The following ZC3H12B variants were observed in gnomAD, a reference collection of about 807,000 sequenced individuals.
ZC3H12B encodes the protein probable ribonuclease ZC3H12B.
Under a neutral mutation model 43.9 loss-of-function variants are expected in ZC3H12B, and 7 were observed. The ratio of observed to expected loss-of-function variants is 0.16; its 90% CI spans 0.09 to 0.30. The LOEUF (loss-of-function observed/expected upper bound fraction) is 0.30, where lower values mean the gene tolerates loss of function less well. Among genes scored for constraint, ZC3H12B ranks in the 10% least tolerant of loss-of-function variants. The pLI, the probability that ZC3H12B is intolerant of heterozygous loss-of-function variation, is 1.00. For missense variants in ZC3H12B, 475 were observed against 670.2 expected (o/e 0.71, Z 3.22); for synonymous variants, 222 against 241.7 (o/e 0.92, Z 0.76).
intron 3 of ZC3H12B, among the ~76,000 whole-genome samples, chrX:65,405,153 G>A (rs2066807504): frequency 8.9e-6 from 1 of 112,123 alleles, no homozygotes; most frequent in African/African-American, 3.2e-5. Context: ...AAAGACAATG[G>A]AAACACAACA....
chrX:65,279,340 G>A, the ZC3H12B span, among the ~76,000 whole-genome samples: 1 of 103,935 alleles, frequency 9.6e-6, no homozygotes, highest in South Asian at 4.4e-4. Context: ...GCCATTCTGA[G>A]TGTTGTGAGA....
chrX:65,206,151 G>A, the ZC3H12B span, among the ~76,000 whole-genome samples: 1 of 111,626 alleles, frequency 9.0e-6, no homozygotes, highest in African/African-American at 3.2e-5. Flanking sequence ...CACACAGCTA[G>A]AAAATAATCA....
intron 3 of ZC3H12B, among the ~76,000 whole-genome samples, chrX:65,435,067 T>C (rs2067204320): frequency 8.9e-6 from 1 of 111,968 alleles, no homozygotes; most frequent in African/African-American, 3.2e-5. Context: ...GCCTACAAGG[T>C]TGGGGGTTCA....
intron 2 of ZC3H12B, among the ~76,000 whole-genome samples, chrX:65,387,645 TGG>T (rs2066547822): frequency 9.0e-6 from 1 of 111,185 alleles, no homozygotes; most frequent in Non-Finnish European, 1.9e-5. Flanking sequence ...TTTACATTTA[TGG>T]TTAATATTGT....
the ZC3H12B span, among the ~76,000 whole-genome samples, chrX:65,071,473 T>C: frequency 9.0e-6 from 1 of 110,755 alleles, no homozygotes; most frequent in African/African-American, 3.3e-5. Context: ...GATATTGGTA[T>C]GTGTGGATTT....
At chrX:65,091,476 C>T in the ZC3H12B span, among the ~76,000 whole-genome samples, 1 of 112,140 alleles carries the variant, frequency 8.9e-6, no homozygotes, top group African/African-American at 3.2e-5. Context: ...TAATACATAC[C>T]TATTATGCTT....
chrX:65,048,718 T>C, the ZC3H12B span, among the ~76,000 whole-genome samples: 158 of 111,415 alleles, frequency 1.4e-3, no homozygotes, highest in African/African-American at 4.9e-3. Flanking sequence ...TTTTCCCTCC[T>C]GTGGCATGAG....
At chrX:65,396,948 A>G (rs1020539719) in intron 2 of ZC3H12B, among the ~76,000 whole-genome samples, 1 of 111,479 alleles carries the variant, frequency 9.0e-6, no homozygotes. Flanking sequence ...TCCCTTTACC[A>G]TTATGTAATG....
At chrX:65,339,866 C>T in the ZC3H12B span, among the ~76,000 whole-genome samples, 1 of 112,111 alleles carries the variant, frequency 8.9e-6, no homozygotes, top group East Asian at 2.8e-4. Context: ...CCACGGCCAC[C>T]CCCTGCATTG....
chrX:65,320,561 T>C, the ZC3H12B span, among the ~76,000 whole-genome samples: 1 of 112,192 alleles, frequency 8.9e-6, no homozygotes, highest in African/African-American at 3.2e-5. Flanking sequence ...TCAAAATTTG[T>C]GTGGAACCAA....
At chrX:65,354,284 G>A in the ZC3H12B span, among the ~76,000 whole-genome samples, 1 of 112,161 alleles carries the variant, frequency 8.9e-6, no homozygotes, top group African/African-American at 3.2e-5. Context: ...AATCTTTGCT[G>A]TTCTGCAACA....
chrX:65,260,406 G>A, the ZC3H12B span, among the ~76,000 whole-genome samples: 1 of 110,635 alleles, frequency 9.0e-6, no homozygotes. Flanking sequence ...TAGACACTAG[G>A]GACTACTTGA....
At chrX:65,411,834 A>T (rs1365966304) in intron 3 of ZC3H12B, among the ~76,000 whole-genome samples, 1 of 109,948 alleles carries the variant, frequency 9.1e-6, no homozygotes, top group Non-Finnish European at 1.9e-5. Flanking sequence ...TTATAATGTG[A>T]TTATTTCACA....
the ZC3H12B span, among the ~76,000 whole-genome samples, chrX:65,080,770 G>C: frequency 9.0e-6 from 1 of 111,245 alleles, no homozygotes; most frequent in African/African-American, 3.3e-5. Context: ...TAATAATCAA[G>C]TAATCACCTG....
At chrX:65,429,202 G>A (rs1225327958) in intron 3 of ZC3H12B, among the ~76,000 whole-genome samples, 1 of 112,660 alleles carries the variant, frequency 8.9e-6, no homozygotes. Context: ...GAAAACCTCT[G>A]TTGAAAGATC....
chrX:65,305,439 A>G, the ZC3H12B span, among the ~76,000 whole-genome samples: 1 of 112,196 alleles, frequency 8.9e-6, no homozygotes, highest in Non-Finnish European at 1.9e-5. Context: ...AATCAGACTC[A>G]TTAAGAGATA....
At chrX:65,385,071 G>T (rs955808673) in intron 2 of ZC3H12B, among the ~76,000 whole-genome samples, 8 of 112,156 alleles carry the variant, frequency 7.1e-5, no homozygotes, top group Non-Finnish European at 1.5e-4. Flanking sequence ...ATAGTTTGAA[G>T]TCAGGTAGCA....
chrX:65,500,301 G>A (rs1463226878), intron 4 of ZC3H12B, among the ~76,000 whole-genome samples: 1 of 112,544 alleles, frequency 8.9e-6, no homozygotes, highest in Non-Finnish European at 1.9e-5. Flanking sequence ...TATGGCCTGT[G>A]GAAGTAGAAA....
chrX:65,233,741 CA>C, the ZC3H12B span, among the ~76,000 whole-genome samples: 1 of 109,426 alleles, frequency 9.1e-6, no homozygotes, highest in African/African-American at 3.3e-5. Context: ...ATAATAACAT[CA>C]AAAAAGAAAT....
Sources: allele counts gnomAD v4.1 joint callset (sites outside exome capture counted in the v4.1 genomes callset), GRCh38; gene constraint gnomAD v4.1.1; transcripts MANE v1.5; gene names NCBI Gene and HGNC (gene_info 2026-07-23, HGNC 2026-07-21).